The following CAMK4 variants were observed in gnomAD, a reference collection of about 807,000 sequenced individuals.
The protein encoded by CAMK4 is calcium/calmodulin dependent protein kinase IV.
A neutral mutation model predicts 44.9 loss-of-function variants in CAMK4; 22 were observed. The observed-to-expected ratio is 0.49, with a 90% CI of 0.35 to 0.70. The LOEUF is 0.70. CAMK4 is among the 30% of genes least tolerant of loss of function. CAMK4 has a pLI of 0.01. For missense variants in CAMK4, 498 were observed against 586.8 expected (o/e 0.85, Z 1.56); for synonymous variants, 218 against 215.4 (o/e 1.01, Z -0.11).
At chr5:111,235,264 T>A (rs1008110155) in intron 1 of CAMK4, among the ~76,000 whole-genome samples, 2 of 152,186 alleles carry the variant, frequency 1.3e-5, no homozygotes, top group Admixed American at 6.5e-5. Context: ...GATTTTCATA[T>A]TTGCTGCTTA....
chr5:111,467,351 A>C (rs747982820), intron 7 of CAMK4, among the ~76,000 whole-genome samples: 4 of 145,004 alleles, frequency 2.8e-5, no homozygotes, highest in Non-Finnish European at 6.0e-5. Flanking sequence ...GGACTTAATT[A>C]AACTAAAAAG....
At chr5:111,232,125 G>A (rs1055594529) in intron 1 of CAMK4, among the ~76,000 whole-genome samples, 7 of 152,162 alleles carry the variant, frequency 4.6e-5, no homozygotes, top group Admixed American at 2.6e-4. Flanking sequence ...TTCTGACCTA[G>A]ACGATGTATG....
At chr5:111,409,435 A>C (rs1365665032) in intron 5 of CAMK4, among the ~76,000 whole-genome samples, 1 of 152,220 alleles carries the variant, frequency 6.6e-6, no homozygotes, top group African/African-American at 2.4e-5. Flanking sequence ...GACTGCACAC[A>C]GCAGGGGAGC....
At chr5:111,386,831 C>G (rs1198198165) in intron 4 of CAMK4, among the ~76,000 whole-genome samples, 5 of 152,250 alleles carry the variant, frequency 3.3e-5, no homozygotes, top group African/African-American at 1.2e-4. Flanking sequence ...TTCGTGCTTC[C>G]TTCCCAGATC....
At chr5:111,334,080 A>C (rs1368845478) in intron 1 of CAMK4, among the ~76,000 whole-genome samples, 1 of 151,528 alleles carries the variant, frequency 6.6e-6, no homozygotes, top group African/African-American at 2.4e-5. Flanking sequence ...ACTGATGCCA[A>C]AACCTTGGGC....
intron 1 of CAMK4, among the ~76,000 whole-genome samples, chr5:111,298,262 A>C (rs1160875588): frequency 1.3e-5 from 2 of 152,244 alleles, no homozygotes; most frequent in Non-Finnish European, 2.9e-5. Flanking sequence ...ATAAAACCAA[A>C]AATAGTAAAG....
chr5:111,247,656 T>A (rs1749300020), intron 1 of CAMK4, among the ~76,000 whole-genome samples: 2 of 152,218 alleles, frequency 1.3e-5, no homozygotes, highest in South Asian at 4.1e-4. Context: ...AGAATTTCCC[T>A]TTCTTCAGGT....
At chr5:111,249,927 C>A (rs1418850784) in intron 1 of CAMK4, among the ~76,000 whole-genome samples, 1 of 151,866 alleles carries the variant, frequency 6.6e-6, no homozygotes, top group Non-Finnish European at 1.5e-5. Context: ...ATGAGCTGGG[C>A]ACATTATTTT....
At chr5:111,343,551 A>C (rs577995462) in intron 1 of CAMK4, among the ~76,000 whole-genome samples, 21 of 151,948 alleles carry the variant, frequency 1.4e-4, no homozygotes, top group African/African-American at 4.8e-4. Flanking sequence ...CACGTTAAAA[A>C]GTAGGAGGGG....
intron 1 of CAMK4, among the ~76,000 whole-genome samples, chr5:111,276,601 AG>A (rs1226903030): frequency 1.3e-5 from 2 of 152,102 alleles, no homozygotes; most frequent in South Asian, 2.1e-4. Context: ...AATCTAAAAA[AG>A]TTTTTTTTAT....
At chr5:111,233,615 A>G (rs1002468773) in intron 1 of CAMK4, among the ~76,000 whole-genome samples, 3 of 152,314 alleles carry the variant, frequency 2.0e-5, no homozygotes, top group African/African-American at 4.8e-5. Context: ...TAATTCCTCT[A>G]TTATATTTAG....
At chr5:111,248,248 TA>T (rs1749326167) in intron 1 of CAMK4, among the ~76,000 whole-genome samples, 1 of 152,248 alleles carries the variant, frequency 6.6e-6, no homozygotes, top group Admixed American at 6.5e-5. Flanking sequence ...GAGATATTTT[TA>T]AATAACTAAA....
At chr5:111,436,946 T>G (rs1416691752) in intron 5 of CAMK4, among the ~76,000 whole-genome samples, 1 of 152,232 alleles carries the variant, frequency 6.6e-6, no homozygotes, top group African/African-American at 2.4e-5. Context: ...ACCAACATAA[T>G]GCTACTATAG....
chr5:111,434,155 T>C (rs898334554), intron 5 of CAMK4, among the ~76,000 whole-genome samples: 1 of 152,006 alleles, frequency 6.6e-6, no homozygotes, highest in South Asian at 2.1e-4. Context: ...TAGCTGGACA[T>C]GGTGGCGTGC....
intron 1 of CAMK4, among the ~76,000 whole-genome samples, chr5:111,240,306 TA>T (rs60517832): frequency 0.056 from 8,055 of 142,906 alleles, 255 homozygotes; most frequent in South Asian, 0.077. Context: ...TTTAACAATC[TA>T]AAAAAAAAAA....
At chr5:111,246,882 G>A (rs1461763292) in intron 1 of CAMK4, among the ~76,000 whole-genome samples, 1 of 152,158 alleles carries the variant, frequency 6.6e-6, no homozygotes, top group Non-Finnish European at 1.5e-5. Flanking sequence ...AACATGCTGA[G>A]CAGCAACCAA....
chr5:111,375,594 C>G (rs1282271045), intron 3 of CAMK4, among the ~76,000 whole-genome samples: 1 of 152,132 alleles, frequency 6.6e-6, no homozygotes, highest in East Asian at 1.9e-4. Flanking sequence ...CGCTTAGACT[C>G]CAGGCAAAGT....
At chr5:111,386,359 T>A (rs1461287116) in intron 4 of CAMK4, among the ~76,000 whole-genome samples, 1 of 152,210 alleles carries the variant, frequency 6.6e-6, no homozygotes, top group Non-Finnish European at 1.5e-5. Context: ...CAGTACACAT[T>A]CTCATCAGAC....
chr5:111,395,466 T>G (rs989092499), intron 5 of CAMK4, among the ~76,000 whole-genome samples: 2 of 151,442 alleles, frequency 1.3e-5, no homozygotes, highest in Non-Finnish European at 2.9e-5. Context: ...TTTTTTTTAA[T>G]TTGGTAGAGA....
Sources: gnomAD v4.1 joint callset for allele counts (sites outside exome capture counted in the v4.1 genomes callset) on GRCh38, gnomAD v4.1.1 for gene constraint, MANE v1.5 for transcripts, NCBI Gene and HGNC (gene_info 2026-07-23, HGNC 2026-07-21) for gene names.